Variants in OTUD7A observed in about 807,000 individuals in gnomAD.
OTUD7A encodes OTU deubiquitinase 7A, also known as OTU domain-containing protein 7A.
OTUD7A carries 12 observed loss-of-function variants against 65.7 expected under a neutral mutation model. The observed-to-expected ratio is 0.18, with a 90% CI of 0.12 to 0.30. The LOEUF is 0.30. Ranked by LOEUF, OTUD7A falls within the 10% of genes least tolerant of loss-of-function variation. The pLI, the probability that OTUD7A is intolerant of heterozygous loss-of-function variation, is 1.00. For missense variants in OTUD7A, 1,148 were observed against 1,304.8 expected (o/e 0.88, Z 1.85); for synonymous variants, 641 against 586.3 (o/e 1.09, Z -1.35).
intron 1 of OTUD7A, among the ~76,000 whole-genome samples, chr15:31,730,887 C>G (rs1367985224): frequency 6.6e-6 from 1 of 152,194 alleles, no homozygotes; most frequent in East Asian, 1.9e-4. Flanking sequence ...ATTGATAGTT[C>G]AAACTCAGGT....
chr15:31,839,559 T>C (rs73380599), intron 1 of OTUD7A, among the ~76,000 whole-genome samples: 5,474 of 152,266 alleles, frequency 0.036, 356 homozygotes, highest in African/African-American at 0.12. Context: ...TGCTGCAGCC[T>C]GTCCTGGCAT....
At position 31,484,845 on chromosome 15, in the gene OTUD7A, A is replaced by C; in HGVS notation, c.1372-121T>G. 6.9e-7 allele frequency: 1 copy of C among 1,458,268 alleles called. No homozygotes were observed. Among genetic ancestry groups the C allele is most frequent in the Non-Finnish European group, 9.0e-7 (1 of 1,105,998 alleles). 90.3% of individuals were successfully genotyped at this position (1,458,268 alleles called of 1,614,324 possible). ...TAGGGCCCTGGACCTTCACTGTCCC[A>C]GTCCCCACTGTCGCTCTGGTGACTG... On this transcript the variant is annotated intron_variant, in intron 12 of 12. Coordinates refer to ENST00000307050, the MANE Select transcript of OTUD7A (RefSeq NM_001382637.1). This position sits in a 1 kb window ranked among gnomAD's most constrained non-coding sequence, Gnocchi z 4.5.
intron 6 of OTUD7A, among the ~76,000 whole-genome samples, chr15:31,528,305 C>G (rs888257392): frequency 7.2e-5 from 11 of 152,142 alleles, no homozygotes; most frequent in Admixed American, 3.3e-4. Flanking sequence ...AAGTTGCTGT[C>G]CCAGCACAGG....
At chr15:31,526,584 C>T (rs1253641656) in intron 7 of OTUD7A, 123 bp from the exon 8 acceptor site, 8 of 647,070 alleles carry the variant, frequency 1.2e-5, no homozygotes, top group Non-Finnish European at 1.5e-5. Context: ...TAGGTAGCTA[C>T]CAACTATACC....
rs2041146888 is a variant in OTUD7A at position 31,482,788 on chromosome 15, C to T, written c.*506G>A. ...GCCAGGTACCCGCCTTCTCCTAGGC[C>T]TCGGGATGGGAGGCAGGTAGAGCTC... On this transcript the variant is annotated 3_prime_UTR_variant, in exon 13 of 13. Transcript: ENST00000307050. 1.3e-5 allele frequency: 2 copies of T among 152,152 alleles called. No homozygotes were observed. The highest frequency in any genetic ancestry group is 4.1e-4 in the South Asian group (2 of 4,824). The allele number at this position is 152,152 out of a possible 1,614,324, so 9.4% of individuals were successfully genotyped here.
intron 3 of OTUD7A, among the ~76,000 whole-genome samples, chr15:31,579,222 A>T (rs1277882912): frequency 6.6e-6 from 1 of 152,236 alleles, no homozygotes; most frequent in Non-Finnish European, 1.5e-5. Flanking sequence ...GGGCAGAAAA[A>T]GCAGCAGGCC....
intron 12 of OTUD7A, among the ~76,000 whole-genome samples, chr15:31,486,415 C>CT (rs2041237612): frequency 6.6e-6 from 1 of 152,236 alleles, no homozygotes; most frequent in African/African-American, 2.4e-5. Flanking sequence ...CGCCCGACTC[C>CT]TTGACTCATG....
chr15:31,802,135 G>GTATATATATATATA (rs1434073127), intron 1 of OTUD7A, among the ~76,000 whole-genome samples: 5 of 123,902 alleles, frequency 4.0e-5, no homozygotes, highest in African/African-American at 1.5e-4. Flanking sequence ...GTGTGTGTGT[G>GTATATATATATATA]TGTGTGTATA....
intron 8 of OTUD7A, among the ~76,000 whole-genome samples, chr15:31,516,109 A>G (rs1382892889): frequency 1.3e-5 from 2 of 152,256 alleles, no homozygotes; most frequent in African/African-American, 4.8e-5. Context: ...GACCATGCCC[A>G]GCATGGAGCC....
intron 4 of OTUD7A, among the ~76,000 whole-genome samples, chr15:31,559,527 C>T (rs909125751): frequency 1.1e-4 from 17 of 152,012 alleles, no homozygotes; most frequent in Admixed American, 3.3e-4. Context: ...CACATGAATA[C>T]GAAAGCATAC....
At position 31,843,618 on chromosome 15, in the gene OTUD7A, C is replaced by A. The variant is rs368389256; in HGVS notation, c.-100+26889G>T. Among the ~76,000 whole-genome samples, 6 of 152,322 alleles carry A rather than the reference C, an allele frequency of 3.9e-5. No homozygotes were observed. In the East Asian group the frequency reaches 1.2e-3, roughly 29 times the overall value. ...ACAGATGAGCCCTTGCTTGGCAGAA[C>A]CCCTGCTGAGCTGGGTGACAATAAA... On this transcript the variant is annotated intron_variant, in intron 1 of 12. Coordinates refer to ENST00000307050, the MANE Select transcript of OTUD7A (RefSeq NM_001382637.1).
At chr15:31,855,772 C>A (rs940456955) in intron 1 of OTUD7A, among the ~76,000 whole-genome samples, 32 of 152,220 alleles carry the variant, frequency 2.1e-4, no homozygotes, top group Admixed American at 2.6e-4. Context: ...CAGATGCCAA[C>A]CCTAAATACA....
chr15:31,799,387 T>C (rs1164653819), intron 1 of OTUD7A, among the ~76,000 whole-genome samples: 1 of 152,234 alleles, frequency 6.6e-6, no homozygotes, highest in Non-Finnish European at 1.5e-5. Flanking sequence ...TGAATGTTTC[T>C]GTCCACCCCA....
At chr15:31,813,630 A>C (rs1439892658) in intron 1 of OTUD7A, among the ~76,000 whole-genome samples, 1 of 152,254 alleles carries the variant, frequency 6.6e-6, no homozygotes, top group East Asian at 1.9e-4. Flanking sequence ...TTGACATGCT[A>C]ATGGACATTG....
chr15:31,497,557 A>T lies in OTUD7A; in HGVS notation c.1171+4133T>A, dbSNP rs138337923. On this transcript the variant is annotated intron_variant, in intron 10 of 12. Coordinates refer to ENST00000307050, the MANE Select transcript of OTUD7A (RefSeq NM_001382637.1). Reference sequence around the variant, plus strand: ...GAGCCACTGTGCCTGGCCAATAAATATTAATTTTTAAGAAAAGAATAGCCA... The same window carrying T: ...GAGCCACTGTGCCTGGCCAATAAATTTTAATTTTTAAGAAAAGAATAGCCA... 2.1e-3 allele frequency among the ~76,000 whole-genome samples: 319 copies of T among 152,232 alleles called. 3 individuals carry two copies. The highest frequency in any genetic ancestry group is 3.8e-3 in the Non-Finnish European group (259 of 68,002).
intron 8 of OTUD7A, among the ~76,000 whole-genome samples, chr15:31,517,021 C>T (rs1022422691): frequency 1.3e-4 from 20 of 152,154 alleles, no homozygotes; most frequent in Non-Finnish European, 2.1e-4. Context: ...AGCCACAGAG[C>T]GATGGTCAGG....
chr15:31,600,484 C>T (rs1287650233), intron 3 of OTUD7A, among the ~76,000 whole-genome samples: 3 of 152,156 alleles, frequency 2.0e-5, no homozygotes, highest in East Asian at 3.8e-4. Context: ...AAGGAACAGC[C>T]GGTACCAGCC....
chr15:31,733,968 A>C (rs1006323848), intron 1 of OTUD7A, among the ~76,000 whole-genome samples: 2 of 152,224 alleles, frequency 1.3e-5, no homozygotes, highest in African/African-American at 4.8e-5. Flanking sequence ...GTTAATATAA[A>C]AAATGTCAAT....
chr15:31,613,678 G>A (rs1333662796), intron 3 of OTUD7A, among the ~76,000 whole-genome samples: 1 of 152,166 alleles, frequency 6.6e-6, no homozygotes, highest in Non-Finnish European at 1.5e-5. Context: ...AGTGATCAGG[G>A]AACACTTCTA....
Sources: allele counts gnomAD v4.1 joint callset (sites outside exome capture counted in the v4.1 genomes callset), GRCh38; gene constraint gnomAD v4.1.1; non-coding constraint Gnocchi (gnomAD v3.1); transcripts MANE v1.5; gene names NCBI Gene and HGNC (gene_info 2026-07-23, HGNC 2026-07-21).